The following DYM variants were observed in gnomAD, a reference collection of about 807,000 sequenced individuals.
The protein encoded by DYM is dymeclin, also known as dyggve-Melchior-Clausen syndrome protein.
In DYM, 78 loss-of-function variants were observed where a neutral mutation model predicts 93.1. The ratio of observed to expected loss-of-function variants is 0.84; its 90% CI spans 0.70 to 1.01. The LOEUF (loss-of-function observed/expected upper bound fraction) is 1.01. Ranked by LOEUF, DYM falls within the 50% of genes least tolerant of loss-of-function variation. The pLI, the probability that DYM is intolerant of heterozygous loss-of-function variation, is 0.00. For synonymous variants in DYM, 321 were observed against 319.7 expected (o/e 1.00, Z -0.04); for missense variants, 789 against 845.0 (o/e 0.93, Z 0.82).
At chr18:49,084,973 T>G (rs116850761) in intron 17 of DYM, among the ~76,000 whole-genome samples, 391 of 152,336 alleles carry the variant, frequency 2.6e-3, no homozygotes, top group Non-Finnish European at 4.3e-3. Flanking sequence ...TGACCATTTC[T>G]TGATATGAAA....
At chr18:49,114,439 G>A (rs574627430) in intron 16 of DYM, 7 of 538,076 alleles carry the variant, frequency 1.3e-5, no homozygotes, top group South Asian at 8.1e-5. Context: ...ACAGAAAAGT[G>A]AGCACTGGGT....
chr18:49,167,786 G>T (rs930903215), intron 14 of DYM, among the ~76,000 whole-genome samples: 5 of 152,038 alleles, frequency 3.3e-5, no homozygotes, highest in Admixed American at 6.6e-5. Context: ...ACTTAGCTGG[G>T]ATCTATTTGC....
intron 6 of DYM, among the ~76,000 whole-genome samples, chr18:49,361,507 G>A (rs1388349788): frequency 1.3e-5 from 2 of 152,076 alleles, no homozygotes; most frequent in African/African-American, 4.8e-5. Context: ...TTGTACATAT[G>A]CATTTTCAAC....
chr18:49,077,566 T>G (rs2077412569), intron 17 of DYM, among the ~76,000 whole-genome samples: 1 of 152,232 alleles, frequency 6.6e-6, no homozygotes, highest in Non-Finnish European at 1.5e-5. Flanking sequence ...GGTCTAGACG[T>G]TCTACCAGTT....
chr18:49,387,197 G>A (rs925353717), intron 3 of DYM, among the ~76,000 whole-genome samples: 11 of 148,428 alleles, frequency 7.4e-5, no homozygotes, highest in African/African-American at 2.2e-4. Context: ...TGGGATTACA[G>A]GCCACCATGC....
chr18:49,248,120 T>C (rs1315536563), intron 13 of DYM, among the ~76,000 whole-genome samples: 3 of 152,218 alleles, frequency 2.0e-5, no homozygotes, highest in Non-Finnish European at 2.9e-5. Flanking sequence ...TGAAATCATA[T>C]ACATTTAAGA....
intron 11 of DYM, among the ~76,000 whole-genome samples, chr18:49,267,385 T>C (rs1420630719): frequency 6.6e-6 from 1 of 152,202 alleles, no homozygotes; most frequent in East Asian, 1.9e-4. Context: ...GGATGCAAAG[T>C]TGATTTAATA....
chr18:49,449,930 A>G (rs2082382898), intron 1 of DYM, among the ~76,000 whole-genome samples: 1 of 152,196 alleles, frequency 6.6e-6, no homozygotes, highest in Non-Finnish European at 1.5e-5. Flanking sequence ...CCTAAAGTAA[A>G]AGTTGCTGAG....
chr18:49,416,456 A>G (rs971562861), intron 2 of DYM, among the ~76,000 whole-genome samples: 12 of 152,228 alleles, frequency 7.9e-5, no homozygotes, highest in African/African-American at 2.7e-4. Flanking sequence ...TCTGGAGAAG[A>G]GTATTCAGGC....
chr18:49,457,335 C>T (rs1398842759), intron 1 of DYM, among the ~76,000 whole-genome samples: 1 of 152,102 alleles, frequency 6.6e-6, no homozygotes, highest in African/African-American at 2.4e-5. Context: ...CAGGTTAGCC[C>T]TCTGATTACA....
chr18:49,259,050 T>C (rs1212102672), intron 11 of DYM, among the ~76,000 whole-genome samples: 1 of 151,934 alleles, frequency 6.6e-6, no homozygotes, highest in African/African-American at 2.4e-5. Flanking sequence ...TCGTTAAGGT[T>C]ACTCCTGCAA....
intron 2 of DYM, among the ~76,000 whole-genome samples, chr18:49,422,247 G>A (rs1335559808): frequency 6.6e-6 from 1 of 152,210 alleles, no homozygotes; most frequent in African/African-American, 2.4e-5. Flanking sequence ...GTTAAGGGCA[G>A]CCAGAGAGAA....
chr18:49,357,003 TCTTTGCTACATCAA>T (rs2065627001), intron 6 of DYM, among the ~76,000 whole-genome samples: 1 of 152,150 alleles, frequency 6.6e-6, no homozygotes, highest in South Asian at 2.1e-4. Flanking sequence ...AACATTTGAG[TCTTTGCTACATCAA>T]CATTGCTTCT....
At chr18:49,260,960 A>C (rs1224113017) in intron 11 of DYM, among the ~76,000 whole-genome samples, 1 of 152,222 alleles carries the variant, frequency 6.6e-6, no homozygotes, top group Non-Finnish European at 1.5e-5. Context: ...GAGAAGGAGA[A>C]TATGGAATAC....
At chr18:49,172,214 C>G (rs1346492452) in intron 14 of DYM, among the ~76,000 whole-genome samples, 1 of 152,170 alleles carries the variant, frequency 6.6e-6, no homozygotes, top group Non-Finnish European at 1.5e-5. Flanking sequence ...GTAATTCATT[C>G]CTTTTTATTG....
At chr18:49,444,269 G>T (rs771219345) in intron 1 of DYM, among the ~76,000 whole-genome samples, 3 of 152,118 alleles carry the variant, frequency 2.0e-5, no homozygotes, top group Admixed American at 1.3e-4. Context: ...ATATCCTGAC[G>T]CGTCCTGCCA....
intron 16 of DYM, among the ~76,000 whole-genome samples, chr18:49,112,418 G>C (rs1413724864): frequency 6.6e-6 from 1 of 152,028 alleles, no homozygotes. Context: ...TTGTATGGTG[G>C]CTACCTACCC....
intron 15 of DYM, among the ~76,000 whole-genome samples, chr18:49,123,124 A>C (rs1480048804): frequency 6.6e-6 from 1 of 152,110 alleles, no homozygotes; most frequent in East Asian, 1.9e-4. Flanking sequence ...GTATTTTCAA[A>C]ATTATTCTAT....
chr18:49,258,231 G>C, intron 12 of DYM, 149 bp downstream of exon 12: 1 of 651,250 alleles, frequency 1.5e-6, no homozygotes, highest in Non-Finnish European at 2.8e-6. Flanking sequence ...TGTTACATTA[G>C]GATCATGTAA....
Sources: allele counts gnomAD v4.1 joint callset (sites outside exome capture counted in the v4.1 genomes callset), GRCh38; gene constraint gnomAD v4.1.1; transcripts MANE v1.5; gene names NCBI Gene and HGNC (gene_info 2026-07-23, HGNC 2026-07-21).